RALYL: variants seen among roughly 807,000 people sequenced by gnomAD.
RALYL encodes the protein RNA-binding Raly-like protein.
RALYL carries 29 observed loss-of-function variants against 35.1 expected under a neutral mutation model. The ratio of observed to expected loss-of-function variants is 0.83; its 90% CI spans 0.61 to 1.13. The LOEUF is 1.13. Ranked by LOEUF, RALYL falls within the 50% of genes most tolerant of loss-of-function variation. RALYL has a pLI of 0.00. For missense variants in RALYL, 359 were observed against 360.4 expected (o/e 1.00, Z 0.03); for synonymous variants, 120 against 127.6 (o/e 0.94, Z 0.40).
intron 8 of RALYL, among the ~76,000 whole-genome samples, chr8:84,900,871 A>G (rs1464676961): frequency 6.6e-6 from 1 of 152,192 alleles, no homozygotes; most frequent in Non-Finnish European, 1.5e-5. Context: ...AATCAAGACT[A>G]TTGTAGTAAG....
At chr8:84,536,160 A>G (rs145188096) in intron 2 of RALYL, among the ~76,000 whole-genome samples, 2 of 152,218 alleles carry the variant, frequency 1.3e-5, no homozygotes, top group African/African-American at 4.8e-5. Flanking sequence ...TCTTTAATAC[A>G]CTGACTTTTA....
chr8:84,805,805 C>T (rs1009803882), intron 4 of RALYL, among the ~76,000 whole-genome samples: 2 of 152,176 alleles, frequency 1.3e-5, no homozygotes, highest in Non-Finnish European at 2.9e-5. Context: ...TGATCAAATA[C>T]TCCTTTGACT....
At chr8:84,836,062 AG>A (rs1460747830) in intron 4 of RALYL, among the ~76,000 whole-genome samples, 1 of 152,182 alleles carries the variant, frequency 6.6e-6, no homozygotes, top group South Asian at 2.1e-4. Context: ...TTTTTATTTA[AG>A]TATGCTTCCT....
intron 2 of RALYL, among the ~76,000 whole-genome samples, chr8:84,598,371 T>C (rs1432458218): frequency 6.6e-6 from 1 of 152,078 alleles, no homozygotes; most frequent in Non-Finnish European, 1.5e-5. Context: ...CTCATTTCTG[T>C]AGAAGGAGTA....
intron 1 of RALYL, among the ~76,000 whole-genome samples, chr8:84,285,080 G>A (rs111301412): frequency 0.018 from 2,815 of 152,262 alleles, 90 homozygotes; most frequent in African/African-American, 0.064. Context: ...ATGTTGGAAG[G>A]CCAAGGCCTA....
intron 4 of RALYL, among the ~76,000 whole-genome samples, chr8:84,821,822 G>GA (rs1418411728): frequency 2.0e-5 from 3 of 152,058 alleles, no homozygotes; most frequent in East Asian, 1.9e-4. Flanking sequence ...TTATCAGGAA[G>GA]AAAAAATGCA....
intron 1 of RALYL, among the ~76,000 whole-genome samples, chr8:84,474,454 T>C (rs1450599252): frequency 6.6e-6 from 1 of 152,248 alleles, no homozygotes; most frequent in Non-Finnish European, 1.5e-5. Flanking sequence ...TACAATTTTA[T>C]GTTAATTGGT....
intron 2 of RALYL, among the ~76,000 whole-genome samples, chr8:84,724,475 T>C (rs1844579140): frequency 6.6e-6 from 1 of 151,814 alleles, no homozygotes; most frequent in Non-Finnish European, 1.5e-5. Flanking sequence ...TATTCAAAGC[T>C]CTTGACCTAG....
chr8:84,183,133 A>AGCAGCGGCAGAG (rs1811668381), upstream of RALYL: 1 of 159,376 alleles, frequency 6.3e-6, no homozygotes, highest in Non-Finnish European at 1.4e-5. Flanking sequence ...CAATCGCGGC[A>AGCAGCGGCAGAG]GCAGCGGCAG....
At chr8:84,370,951 A>G (rs1322668266) in intron 1 of RALYL, among the ~76,000 whole-genome samples, 2 of 152,056 alleles carry the variant, frequency 1.3e-5, no homozygotes, top group South Asian at 2.1e-4. Flanking sequence ...AATGTTACCC[A>G]TAATAATTTT....
intron 1 of RALYL, among the ~76,000 whole-genome samples, chr8:84,456,352 A>G (rs896522086): frequency 2.0e-5 from 3 of 152,078 alleles, no homozygotes; most frequent in Admixed American, 6.6e-5. Flanking sequence ...TTATACCAAC[A>G]GGAAGCCAAG....
At chr8:84,725,949 T>C (rs1844870472) in intron 2 of RALYL, among the ~76,000 whole-genome samples, 1 of 151,572 alleles carries the variant, frequency 6.6e-6, no homozygotes. Flanking sequence ...ATGAGGACTA[T>C]GAAAACAATT....
intron 2 of RALYL, among the ~76,000 whole-genome samples, chr8:84,686,380 A>G (rs1589005784): frequency 2.7e-5 from 4 of 149,838 alleles, no homozygotes; most frequent in African/African-American, 1.0e-4. Flanking sequence ...TTATTTAGCT[A>G]TATTAATACA....
At chr8:84,392,662 T>C (rs1860963709) in intron 1 of RALYL, among the ~76,000 whole-genome samples, 1 of 152,076 alleles carries the variant, frequency 6.6e-6, no homozygotes, top group South Asian at 2.1e-4. Context: ...TTAGAAATGC[T>C]GTCTATCTCG....
chr8:84,388,286 A>G (rs1859721975), intron 1 of RALYL, among the ~76,000 whole-genome samples: 1 of 152,094 alleles, frequency 6.6e-6, no homozygotes, highest in Admixed American at 6.6e-5. Flanking sequence ...TATTGTGATT[A>G]GTGCCGCAAT....
chr8:84,208,658 T>G (rs1455830143), intron 1 of RALYL, among the ~76,000 whole-genome samples: 1 of 152,198 alleles, frequency 6.6e-6, no homozygotes, highest in Non-Finnish European at 1.5e-5. Context: ...GAGCCTCAGT[T>G]TCCTCATCTA....
intron 1 of RALYL, among the ~76,000 whole-genome samples, chr8:84,221,173 G>A (rs1822110427): frequency 1.3e-5 from 2 of 151,888 alleles, no homozygotes; most frequent in South Asian, 4.1e-4. Flanking sequence ...TTATTACTTT[G>A]CATATTACAG....
intron 2 of RALYL, among the ~76,000 whole-genome samples, chr8:84,532,248 T>C (rs2059325022): frequency 6.6e-6 from 1 of 152,078 alleles, no homozygotes; most frequent in Non-Finnish European, 1.5e-5. Flanking sequence ...TGTTTTTTAC[T>C]ATGTTGCTAG....
chr8:84,775,608 G>A (rs1816654827), intron 3 of RALYL, among the ~76,000 whole-genome samples: 1 of 152,168 alleles, frequency 6.6e-6, no homozygotes, highest in Non-Finnish European at 1.5e-5. Flanking sequence ...GCTTGGGTCT[G>A]AGTCACTTAA....
Sources: gnomAD v4.1 joint callset for allele counts (sites outside exome capture counted in the v4.1 genomes callset) on GRCh38, gnomAD v4.1.1 for gene constraint, MANE v1.5 for transcripts, NCBI Gene and HGNC (gene_info 2026-07-23, HGNC 2026-07-21) for gene names.